CEP63: variants seen among roughly 807,000 people sequenced by gnomAD.
The protein encoded by CEP63 is centrosomal protein of 63 kDa.
Under a neutral mutation model 89.1 loss-of-function variants are expected in CEP63, and 84 were observed. The observed-to-expected ratio is 0.94, with a 90% CI of 0.79 to 1.13. The LOEUF (loss-of-function observed/expected upper bound fraction) is 1.13. CEP63 is among the 50% of genes most tolerant of loss of function. CEP63 has a pLI of 0.00. For missense variants in CEP63, 838 were observed against 813.3 expected, an observed-to-expected ratio of 1.03 and a Z score of -0.37; for synonymous variants, 267 against 272.5, an observed-to-expected ratio of 0.98 and a Z score of 0.20.
intron 12 of CEP63, among the ~76,000 whole-genome samples, chr3:134,556,325 G>T (rs1004524712): frequency 2.0e-5 from 3 of 152,132 alleles, no homozygotes; most frequent in African/African-American, 7.2e-5. Flanking sequence ...ACTACCATCA[G>T]AGTGAACAGG....
At chr3:134,751,251 T>C in the CEP63 span, among the ~76,000 whole-genome samples, 1 of 152,248 alleles carries the variant, frequency 6.6e-6, no homozygotes, top group Non-Finnish European at 1.5e-5. Context: ...TAATATTCCA[T>C]TGTAAGTACA....
At chr3:134,740,328 G>C in the CEP63 span, among the ~76,000 whole-genome samples, 3 of 150,870 alleles carry the variant, frequency 2.0e-5, no homozygotes, top group Non-Finnish European at 4.4e-5. Context: ...GATGGAGTCT[G>C]GCTCTGTTGC....
the CEP63 span, chr3:134,607,407 G>A: frequency 1.0e-6 from 1 of 985,614 alleles, no homozygotes; most frequent in Non-Finnish European, 1.2e-6. Context: ...GCTCCCCAGG[G>A]GCTCTGGGCC....
chr3:134,502,015 T>C (rs1347973601), intron 2 of CEP63, among the ~76,000 whole-genome samples: 1 of 152,180 alleles, frequency 6.6e-6, no homozygotes, highest in Non-Finnish European at 1.5e-5. Context: ...CGATGCCTAG[T>C]TTGTTGAGGG....
the CEP63 span, chr3:134,603,296 C>G: frequency 3.3e-6 from 1 of 301,798 alleles, no homozygotes; most frequent in Non-Finnish European, 6.1e-6. Context: ...CGAGAAGGGG[C>G]ATCTGGATGC....
chr3:134,689,442 T>TTTTTTA, the CEP63 span, among the ~76,000 whole-genome samples: 1,121 of 96,456 alleles, frequency 0.012, 13 homozygotes, highest in African/African-American at 0.03. Context: ...AAGGACCTTA[T>TTTTTTA]TTATTATTAT....
chr3:134,631,579 A>G, the CEP63 span, among the ~76,000 whole-genome samples: 2 of 152,206 alleles, frequency 1.3e-5, no homozygotes, highest in Non-Finnish European at 2.9e-5. Flanking sequence ...TATGACAACT[A>G]CAACATAGAG....
chr3:134,564,979 C>T lies in CEP63; in HGVS notation c.*3444C>T. On this transcript the variant is annotated 3_prime_UTR_variant, in exon 15 of 15. Transcript: ENST00000675561. ...ATTTGACTGTAATTTAATGTCTCAC[C>T]ATTTTTCAAAAAGATATATTAATAC... The T allele has an allele frequency of 4.6e-5, 45 of 976,044 alleles. No individual in the cohort carries two copies. The highest frequency in any genetic ancestry group is 5.5e-5 in the Non-Finnish European group (45 of 821,470). 60.5% of individuals were successfully genotyped at this position (976,044 alleles called of 1,614,324 possible).
the CEP63 span, among the ~76,000 whole-genome samples, chr3:134,673,064 C>T: frequency 6.6e-6 from 1 of 152,198 alleles, no homozygotes; most frequent in South Asian, 2.1e-4. Flanking sequence ...GTGAAAACTC[C>T]AGGATTCAAC....
At chr3:134,527,806 G>A (rs959976518) in intron 3 of CEP63, among the ~76,000 whole-genome samples, 24 of 152,182 alleles carry the variant, frequency 1.6e-4, no homozygotes, top group African/African-American at 5.1e-4. Context: ...CCTGGGAGAG[G>A]CCAGCAGGCC....
At chr3:134,750,107 C>T in the CEP63 span, among the ~76,000 whole-genome samples, 2 of 152,254 alleles carry the variant, frequency 1.3e-5, no homozygotes, top group Non-Finnish European at 2.9e-5. Context: ...CTGCAACCTG[C>T]AGTGCTTTGG....
At chr3:134,643,217 C>G in the CEP63 span, 1 of 1,154,704 alleles carries the variant, frequency 8.7e-7, no homozygotes, top group East Asian at 2.4e-5. Flanking sequence ...ACCCTGCTCC[C>G]CATAGTCTGA....
intron 10 of CEP63, among the ~76,000 whole-genome samples, chr3:134,583,591 T>C (rs1436449978): frequency 2.6e-5 from 4 of 152,166 alleles, no homozygotes; most frequent in African/African-American, 9.7e-5. Context: ...AGCCTTGTAG[T>C]ATAGTTTGAA....
At chr3:134,667,764 G>A in the CEP63 span, among the ~76,000 whole-genome samples, 1 of 152,148 alleles carries the variant, frequency 6.6e-6, no homozygotes, top group African/African-American at 2.4e-5. Context: ...GGAAGCCAGT[G>A]GCCAGGTTCT....
At chr3:134,621,593 G>T in the CEP63 span, among the ~76,000 whole-genome samples, 9 of 152,124 alleles carry the variant, frequency 5.9e-5, no homozygotes, top group Admixed American at 2.6e-4. Flanking sequence ...TCAAATATAA[G>T]AGCTTAAACC....
At chr3:134,642,512 C>T in the CEP63 span, among the ~76,000 whole-genome samples, 4 of 135,912 alleles carry the variant, frequency 2.9e-5, no homozygotes, top group East Asian at 2.6e-4. Flanking sequence ...TCTATCTTGT[C>T]GTGTGCTCAG....
the CEP63 span, among the ~76,000 whole-genome samples, chr3:134,751,151 AC>A: frequency 8.5e-5 from 13 of 152,206 alleles, no homozygotes; most frequent in East Asian, 3.8e-4. Context: ...ACAATGTGTG[AC>A]CTTTTTGATC....
At chr3:134,586,949 A>G (rs769053859) in intron 10 of CEP63, among the ~76,000 whole-genome samples, 1 of 152,008 alleles carries the variant, frequency 6.6e-6, no homozygotes, top group African/African-American at 2.4e-5. Context: ...TTTGATCTTC[A>G]ATCACTGATA....
intron 2 of CEP63, among the ~76,000 whole-genome samples, chr3:134,503,950 A>C (rs892145616): frequency 6.6e-6 from 1 of 151,918 alleles, no homozygotes; most frequent in African/African-American, 2.4e-5. Flanking sequence ...CAGCCATTCT[A>C]TATCTTTTAA....
Sources: gnomAD v4.1 joint callset for allele counts (sites outside exome capture counted in the v4.1 genomes callset) on GRCh38, gnomAD v4.1.1 for gene constraint, MANE v1.5 for transcripts, NCBI Gene and HGNC (gene_info 2026-07-23, HGNC 2026-07-21) for gene names.